Variants in CYTIP observed in about 807,000 individuals in gnomAD.
The protein encoded by CYTIP is cytohesin 1 interacting protein.
CYTIP carries 26 observed loss-of-function variants against 43.8 expected under a neutral mutation model. The ratio of observed to expected loss-of-function variants is 0.59; its 90% CI spans 0.44 to 0.82. The LOEUF (loss-of-function observed/expected upper bound fraction) is 0.82, where lower values mean the gene tolerates loss of function less well. Among genes scored for constraint, CYTIP ranks in the 40% least tolerant of loss-of-function variants. The pLI is 0.00. For missense variants in CYTIP, 426 were observed against 443.1 expected, an observed-to-expected ratio of 0.96 and a Z score of 0.35; for synonymous variants, 162 against 162.9, an observed-to-expected ratio of 0.99 and a Z score of 0.04.
chr2:157,426,730 C>T (rs1209628611), intron 6 of CYTIP, among the ~76,000 whole-genome samples: 1 of 152,132 alleles, frequency 6.6e-6, no homozygotes, highest in African/African-American at 2.4e-5. Flanking sequence ...GTCTGGACTT[C>T]ATGGCTTAGG....
At chr2:157,438,749 A>G (rs1685856177) in intron 1 of CYTIP, 2 of 158,108 alleles carry the variant, frequency 1.3e-5, no homozygotes, top group Admixed American at 1.3e-4. Context: ...TTCAATCCGA[A>G]ACAAGAAATG....
Position 157,427,335 on chromosome 2 carries a change from C to A in CYTIP, c.546+16G>T. Reference sequence around the variant, plus strand: ...CAAGGATGAAAAATGTGCCTCACTGCATTAAATTAAATTACCTTTAAAACC... The same window carrying A: ...CAAGGATGAAAAATGTGCCTCACTGAATTAAATTAAATTACCTTTAAAACC... On this transcript the variant is annotated intron_variant, in intron 6 of 7. Coordinates refer to ENST00000264192, the MANE Select transcript of CYTIP (RefSeq NM_004288.5). 2 of 1,596,086 alleles carry A rather than the reference C, an allele frequency of 1.3e-6. No individual in the cohort carries two copies. The highest frequency in any genetic ancestry group is 4.5e-5 in the East Asian group (2 of 44,646).
intron 1 of CYTIP, 102 bp from the exon 2 acceptor site, chr2:157,434,849 TCACACACACACACA>T (rs1214076041): frequency 3.1e-4 from 15 of 48,726 alleles, no homozygotes; most frequent in Admixed American, 9.5e-4. Context: ...TCTCTCTCTC[TCACACACACACACA>T]CACACACACA....
intron 7 of CYTIP, 51 bp from the exon 8 acceptor site, chr2:157,416,194 A>T (rs1346628029): frequency 7.2e-7 from 1 of 1,390,940 alleles, no homozygotes. Flanking sequence ...CTCCCTACAA[A>T]TAAATACACT....
intron 3 of CYTIP, 73 bp from the exon 4 acceptor site, chr2:157,431,035 G>T: frequency 1.7e-6 from 2 of 1,204,230 alleles, no homozygotes; most frequent in Non-Finnish European, 2.4e-6. Flanking sequence ...TTAAAATGAT[G>T]TCAATTATCA....
chr2:157,427,382 G>T lies in CYTIP; in HGVS notation c.515C>A (p.Thr172Lys), dbSNP rs781766814. The change falls in exon 6 of 8, where the codon ACG becomes AAG. Residue 172 changes from threonine (T) to lysine (K), a missense_variant. Physicochemically the swap from Thr to Lys is moderately conservative, Grantham distance 78. Coordinates refer to ENST00000264192, the MANE Select transcript of CYTIP (RefSeq NM_004288.5). ...AACCTGCAGCTTTGCTTCAAGCTCCGTTCTTTTCAGAATCATTGTTCCATT... is the reference window on the plus strand; with the variant it reads ...AACCTGCAGCTTTGCTTCAAGCTCCTTTCTTTTCAGAATCATTGTTCCATT... ...TLNGTMILKR[T>K]ELEAKLQVLK... 13 of 1,608,886 alleles carry T rather than the reference G, an allele frequency of 8.1e-6. No individual in the cohort carries two copies. Among genetic ancestry groups the T allele is most frequent in the African/African-American group, 1.3e-5 (1 of 74,602 alleles).
In CYTIP at chr2:157,418,555, G is replaced by T. The variant is rs1685473283; in HGVS notation, c.581C>A (p.Ser194Tyr). ...CAGACGATGTTCCTGTAACTGCAGAGATCTGTACTCCACCCATTTTTGTTT... is the reference window on the plus strand; with the variant it reads ...CAGACGATGTTCCTGTAACTGCAGATATCTGTACTCCACCCATTTTTGTTT... ...TLKQKWVEYR[S>Y]LQLQEHRLLH... is the part of the protein sequence containing the mutation. The change falls in exon 7 of 8, where the codon TCT (serine) becomes TAT (tyrosine). Residue 194 changes from serine (S) to tyrosine (Y), a missense_variant. Coordinates refer to ENST00000264192, the MANE Select transcript of CYTIP (RefSeq NM_004288.5). The T allele has an allele frequency of 1.3e-6, 2 of 1,584,986 alleles. No homozygotes were observed. Among genetic ancestry groups the T allele is most frequent in the South Asian group, 1.1e-5 (1 of 87,354 alleles).
Position 157,415,442 on chromosome 2 carries a change from G to T in CYTIP, c.*235C>A. On this transcript the variant is annotated 3_prime_UTR_variant, in exon 8 of 8. Transcript: ENST00000264192. The stretch of plus-strand genomic sequence containing the variant: ...GGAATGAGCAGGAACCTGCATCTTT[G>T]TTATATTAATTAACTTATTATTTAG... The T allele has an allele frequency of 2.3e-6, 1 of 439,554 alleles. No homozygotes were observed. Among genetic ancestry groups the T allele is most frequent in the East Asian group, 4.2e-5 (1 of 23,838 alleles). The allele number at this position is 439,554 out of a possible 1,614,324, so 27.2% of individuals were successfully genotyped here.
intron 1 of CYTIP, among the ~76,000 whole-genome samples, chr2:157,442,284 A>C (rs1685930395): frequency 6.6e-6 from 1 of 152,170 alleles, no homozygotes; most frequent in African/African-American, 2.4e-5. Context: ...GGTAGGAAAC[A>C]TTCCCTTCTC....
At chr2:157,430,674 G>C in intron 4 of CYTIP, 22 bp from the exon 5 acceptor site, 2 of 1,603,166 alleles carry the variant, frequency 1.2e-6, no homozygotes, top group Non-Finnish European at 1.7e-6. Flanking sequence ...CAAGAAAAAT[G>C]AGTGTTATGT....
rs184031362 is a variant in CYTIP, at chr2:157,431,251, T to C, written c.280-289A>G. 1.2e-3 allele frequency among the ~76,000 whole-genome samples: 182 copies of C among 152,328 alleles called. 1 individual carries two copies. The highest frequency in any genetic ancestry group is 4.3e-3 in the African/African-American group (177 of 41,572). ...TCACCTGATGCTATCACGATTTATTTTTAAAAATTGAGTTTCTCATTTCCC... is the reference window on the plus strand; with the variant it reads ...TCACCTGATGCTATCACGATTTATTCTTAAAAATTGAGTTTCTCATTTCCC... On this transcript the variant is annotated intron_variant, in intron 3 of 7. Coordinates refer to ENST00000264192, the MANE Select transcript of CYTIP (RefSeq NM_004288.5).
intron 3 of CYTIP, 122 bp from the exon 4 acceptor site, chr2:157,431,084 T>A: frequency 1.3e-6 from 1 of 747,562 alleles, no homozygotes; most frequent in Admixed American, 3.4e-5. Flanking sequence ...GACAAAGGAT[T>A]TCCACTATAA....
chr2:157,432,377 C>G (rs1267108441), intron 3 of CYTIP, among the ~76,000 whole-genome samples: 1 of 152,186 alleles, frequency 6.6e-6, no homozygotes, highest in African/African-American at 2.4e-5. Flanking sequence ...AGTCTTCTAG[C>G]TCCCATTAAG....
chr2:157,416,245 G>A, intron 7 of CYTIP, 102 bp from the exon 8 acceptor site: 2 of 980,400 alleles, frequency 2.0e-6, no homozygotes, highest in Non-Finnish European at 3.0e-6. Flanking sequence ...AAAGAGTAAG[G>A]GTGAAAAATA....
chr2:157,427,198 A>G (rs155614), intron 6 of CYTIP, among the ~76,000 whole-genome samples, 153 bp downstream of exon 6: 127,265 of 152,164 alleles, frequency 0.84, 53,637 homozygotes, highest in Middle Eastern at 0.93. Context: ...TATTCCTCCA[A>G]AGGTAATTGT....
In CYTIP at chr2:157,418,550, G is replaced by A. The variant is rs778542165; in HGVS notation, c.586C>T (p.Gln196Ter). Residue 196 changes from glutamine to a stop codon, truncating the protein, a stop_gained, in exon 7 of 8, where the codon CAG becomes TAG. Transcript: ENST00000264192. LOFTEE classifies it high-confidence loss of function. ...TGAAGCAGACGATGTTCCTGTAACT[G>A]CAGAGATCTGTACTCCACCCATTTT... The part of the protein sequence containing the change: ...KQKWVEYRSL[Q>*]LQEHRLLHGD... The A allele has an allele frequency of 9.4e-6, 15 of 1,594,218 alleles. No homozygotes were observed. The Admixed American group carries it at 2.6e-4, about 28-fold the overall frequency.
intron 1 of CYTIP, among the ~76,000 whole-genome samples, chr2:157,440,810 T>G (rs754584855): frequency 6.6e-6 from 1 of 152,224 alleles, no homozygotes; most frequent in Non-Finnish European, 1.5e-5. Flanking sequence ...TAAAAACTGC[T>G]TTCCAAAAGC....
chr2:157,419,708 G>T (rs1685491224), intron 6 of CYTIP, among the ~76,000 whole-genome samples: 1 of 152,210 alleles, frequency 6.6e-6, no homozygotes, highest in Non-Finnish European at 1.5e-5. Context: ...CAGCCTAGTT[G>T]AAACAAGCAA....
intron 6 of CYTIP, among the ~76,000 whole-genome samples, chr2:157,419,934 C>A (rs982744087): frequency 3.3e-5 from 5 of 152,226 alleles, no homozygotes; most frequent in African/African-American, 1.2e-4. Flanking sequence ...CAATTAACAG[C>A]AACCCTTATG....
Sources: allele counts gnomAD v4.1 joint callset (sites outside exome capture counted in the v4.1 genomes callset), GRCh38; gene constraint gnomAD v4.1.1; transcripts MANE v1.5; gene names NCBI Gene and HGNC (gene_info 2026-07-23, HGNC 2026-07-21).